Variants in PAPSS1 observed in about 807,000 individuals in gnomAD.
The protein encoded by PAPSS1 is bifunctional 3'-phosphoadenosine 5'-phosphosulfate synthase 1.
In PAPSS1, 50 loss-of-function variants were observed where a neutral mutation model predicts 72.0. That is an observed-to-expected ratio of 0.69 (90% CI 0.55 to 0.88). The LOEUF is 0.88. Ranked by LOEUF, PAPSS1 falls within the 40% of genes least tolerant of loss-of-function variation. PAPSS1 has a pLI of 0.00. For missense variants in PAPSS1, 657 were observed against 782.2 expected (o/e 0.84, Z 1.91); for synonymous variants, 261 against 263.6 (o/e 0.99, Z 0.09).
chr4:107,687,495 A>G (rs1722817147), intron 3 of PAPSS1, among the ~76,000 whole-genome samples: 1 of 152,216 alleles, frequency 6.6e-6, no homozygotes, highest in African/African-American at 2.4e-5. Context: ...TGCTGGTGTC[A>G]TCAGGCTTCT....
intron 5 of PAPSS1, among the ~76,000 whole-genome samples, chr4:107,677,513 G>A (rs989208596): frequency 3.0e-4 from 46 of 152,158 alleles, no homozygotes; most frequent in Admixed American, 8.5e-4. Flanking sequence ...TTAGAATGGC[G>A]ATCATTAAAA....
At chr4:107,654,921 T>TGAA in intron 7 of PAPSS1, 21 bp from the exon 8 acceptor site, 1 of 1,582,100 alleles carries the variant, frequency 6.3e-7, no homozygotes, top group African/African-American at 1.3e-5. Flanking sequence ...CAAAAGAACA[T>TGAA]GAAGCACACA....
At chr4:107,639,093 G>A (rs1726465605) in intron 10 of PAPSS1, among the ~76,000 whole-genome samples, 1 of 152,082 alleles carries the variant, frequency 6.6e-6, no homozygotes, top group South Asian at 2.1e-4. Context: ...CAGACTAACA[G>A]ACAAATCTGA....
intron 5 of PAPSS1, among the ~76,000 whole-genome samples, chr4:107,681,744 T>C (rs983954954): frequency 9.2e-5 from 14 of 152,334 alleles, no homozygotes; most frequent in African/African-American, 3.1e-4. Context: ...GTTAGGTATT[T>C]TTCTGTGGCA....
chr4:107,642,162 C>T (rs1223790567), intron 10 of PAPSS1, among the ~76,000 whole-genome samples: 2 of 152,052 alleles, frequency 1.3e-5, no homozygotes, highest in Non-Finnish European at 2.9e-5. Flanking sequence ...ACGAATGTTG[C>T]CAGGGCCATC....
intron 9 of PAPSS1, among the ~76,000 whole-genome samples, chr4:107,651,225 G>C (rs530598214): frequency 2.4e-4 from 36 of 152,304 alleles, no homozygotes; most frequent in Non-Finnish European, 4.6e-4. Flanking sequence ...AAAGAAATGT[G>C]AATGAGTTAA....
intron 9 of PAPSS1, among the ~76,000 whole-genome samples, chr4:107,649,263 C>G (rs1423202286): frequency 1.3e-5 from 2 of 152,254 alleles, no homozygotes; most frequent in African/African-American, 4.8e-5. Context: ...TCCCCACTAT[C>G]ATCTGCCTCA....
chr4:107,628,195 T>C (rs935397388), intron 11 of PAPSS1, among the ~76,000 whole-genome samples: 5 of 152,200 alleles, frequency 3.3e-5, no homozygotes. Flanking sequence ...CTCAGAAAAG[T>C]CTGCTGTCAT....
chr4:107,674,161 A>C (rs531845031), intron 5 of PAPSS1, among the ~76,000 whole-genome samples: 2 of 152,358 alleles, frequency 1.3e-5, no homozygotes, highest in African/African-American at 4.8e-5. Flanking sequence ...TCATAATGAC[A>C]GGATCAAATT....
intron 5 of PAPSS1, among the ~76,000 whole-genome samples, chr4:107,669,763 C>G (rs918787883): frequency 6.6e-6 from 1 of 152,210 alleles, no homozygotes; most frequent in South Asian, 2.1e-4. Context: ...CTTTTGTCAC[C>G]ACCCACCTTT....
intron 1 of PAPSS1, among the ~76,000 whole-genome samples, chr4:107,717,040 T>C (rs1723656134): frequency 1.3e-5 from 2 of 152,032 alleles, no homozygotes; most frequent in Non-Finnish European, 2.9e-5. Context: ...GTCCCTACTA[T>C]TTGAAAAGTG....
intron 5 of PAPSS1, among the ~76,000 whole-genome samples, chr4:107,661,697 C>T (rs1447237088): frequency 1.3e-5 from 2 of 152,018 alleles, no homozygotes; most frequent in Non-Finnish European, 2.9e-5. Flanking sequence ...AAATGTAATT[C>T]AAGATGAAAG....
At chr4:107,635,654 C>A (rs191368862) in intron 10 of PAPSS1, among the ~76,000 whole-genome samples, 1 of 151,898 alleles carries the variant, frequency 6.6e-6, no homozygotes, top group African/African-American at 2.4e-5. Context: ...AGGATGTGAC[C>A]AGTGAGTTAA....
intron 5 of PAPSS1, among the ~76,000 whole-genome samples, chr4:107,680,793 A>G (rs1173904405): frequency 6.6e-6 from 1 of 152,200 alleles, no homozygotes; most frequent in African/African-American, 2.4e-5. Context: ...ATAAGAGTGC[A>G]GAAGTCAGTT....
intron 8 of PAPSS1, among the ~76,000 whole-genome samples, chr4:107,654,029 T>TC (rs995977310): frequency 6.6e-6 from 1 of 152,194 alleles, no homozygotes; most frequent in Non-Finnish European, 1.5e-5. Flanking sequence ...CCTTCCAATC[T>TC]CCACACCACC....
At chr4:107,679,687 T>G (rs1727748846) in intron 5 of PAPSS1, among the ~76,000 whole-genome samples, 1 of 151,858 alleles carries the variant, frequency 6.6e-6, no homozygotes. Context: ...AGGACTTTTT[T>G]TTTTTTTTTG....
intron 5 of PAPSS1, among the ~76,000 whole-genome samples, chr4:107,675,825 G>C (rs1329294327): frequency 1.3e-5 from 2 of 152,138 alleles, no homozygotes; most frequent in Non-Finnish European, 2.9e-5. Context: ...ACATCAAAAA[G>C]CTTATCCACC....
chr4:107,628,008 T>C (rs1726140749), intron 11 of PAPSS1, among the ~76,000 whole-genome samples: 1 of 152,214 alleles, frequency 6.6e-6, no homozygotes, highest in African/African-American at 2.4e-5. Flanking sequence ...AATTTTTCTT[T>C]TGGTGTGGTT....
chr4:107,614,463 G>C (rs1725768708), intron 11 of PAPSS1, 76 bp from the exon 12 acceptor site: 2 of 1,095,036 alleles, frequency 1.8e-6, no homozygotes, highest in South Asian at 3.1e-5. Context: ...TGTTCCTTCT[G>C]TTCATATTAG....
Sources: gnomAD v4.1 joint callset for allele counts (sites outside exome capture counted in the v4.1 genomes callset) on GRCh38, gnomAD v4.1.1 for gene constraint, MANE v1.5 for transcripts, NCBI Gene and HGNC (gene_info 2026-07-23, HGNC 2026-07-21) for gene names.